VGLL3: variants seen among roughly 807,000 people sequenced by gnomAD.
The protein encoded by VGLL3 is transcription cofactor vestigial-like protein 3.
VGLL3 carries 18 observed loss-of-function variants against 29.2 expected under a neutral mutation model. The ratio of observed to expected loss-of-function variants is 0.62; its 90% CI spans 0.43 to 0.91. The LOEUF is 0.91. Ranked by LOEUF, VGLL3 falls within the 40% of genes least tolerant of loss-of-function variation. The probability of loss-of-function intolerance (pLI) is 0.00; values close to 1 mark genes in which losing one functional copy is unlikely to be tolerated. For missense variants in VGLL3, 440 were observed against 413.2 expected, an observed-to-expected ratio of 1.06 and a Z score of -0.56; for synonymous variants, 180 against 151.8, an observed-to-expected ratio of 1.19 and a Z score of -1.36.
intron 2 of VGLL3, among the ~76,000 whole-genome samples, chr3:86,970,463 A>G (rs1705070739): frequency 6.9e-6 from 1 of 145,364 alleles, no homozygotes; most frequent in African/African-American, 2.6e-5. Flanking sequence ...ACATAAGAAA[A>G]GGCCATATAT....
intron 1 of VGLL3, among the ~76,000 whole-genome samples, chr3:86,982,449 CTTT>C (rs563026048): frequency 7.1e-6 from 1 of 141,656 alleles, no homozygotes; most frequent in Admixed American, 7.1e-5. Flanking sequence ...TCCAGCTCTG[CTTT>C]TTTTTTTTTT....
intron 3 of VGLL3, 96 bp from the exon 4 acceptor site, chr3:86,947,163 A>C: frequency 1.3e-6 from 1 of 747,040 alleles, no homozygotes; most frequent in Non-Finnish European, 2.5e-6. Flanking sequence ...TAGAAACCAA[A>C]ATGATAATCC....
At chr3:86,957,416 A>T (rs1488241213) in intron 3 of VGLL3, among the ~76,000 whole-genome samples, 2 of 152,188 alleles carry the variant, frequency 1.3e-5, no homozygotes, top group Non-Finnish European at 2.9e-5. Context: ...TCCAATGTGA[A>T]TTAATTTTTT....
intron 3 of VGLL3, among the ~76,000 whole-genome samples, chr3:86,965,600 G>T (rs1704941374): frequency 6.6e-6 from 1 of 152,134 alleles, no homozygotes; most frequent in African/African-American, 2.4e-5. Flanking sequence ...TCTCCCTTTA[G>T]GACCGAGGCA....
In VGLL3 at chr3:86,941,980, G is replaced by C. The variant is rs192031605; in HGVS notation, c.*5044C>G. 1.1e-4 allele frequency: 17 copies of C among 152,008 alleles called. No homozygotes were observed. Among genetic ancestry groups the C allele is most frequent in the Admixed American group, 7.9e-4 (12 of 15,240 alleles). The allele number at this position is 152,008 out of a possible 1,614,324, so 9.4% of individuals were successfully genotyped here. On this transcript the variant is annotated 3_prime_UTR_variant, in exon 4 of 4. Coordinates refer to ENST00000398399, the MANE Select transcript of VGLL3 (RefSeq NM_016206.4). ...GGTTATATGTTTGTTTTCAACATTC[G>C]TTTTTGAATGGATGTTGAAAGTTAG...
At chr3:86,974,104 T>A (rs1434500042) in intron 2 of VGLL3, among the ~76,000 whole-genome samples, 1 of 151,820 alleles carries the variant, frequency 6.6e-6, no homozygotes, top group Non-Finnish European at 1.5e-5. Flanking sequence ...GGACCAATCA[T>A]ATTCATTAGG....
At chr3:86,978,459 G>A (rs1705253222) in intron 2 of VGLL3, 67 bp downstream of exon 2, 1 of 1,542,222 alleles carries the variant, frequency 6.5e-7, no homozygotes, top group Non-Finnish European at 8.8e-7. Flanking sequence ...TCTCCAGCTG[G>A]AACCTGGTAC....
intron 3 of VGLL3, among the ~76,000 whole-genome samples, chr3:86,960,297 T>A (rs1264302905): frequency 6.6e-6 from 1 of 152,142 alleles, no homozygotes; most frequent in Non-Finnish European, 1.5e-5. Context: ...AAACCATAAA[T>A]AATTCGGAAT....
chr3:86,978,814 T>G lies in VGLL3; in HGVS notation c.127-12A>C, dbSNP rs1337156899. ...ACCGCTAACTTCTTCTGGGATGGAA[T>G]AAACAAAACACAGTATCAAAGACAG... On this transcript the variant is annotated splice_polypyrimidine_tract_variant and intron_variant, in intron 1 of 3. Coordinates refer to ENST00000398399, the MANE Select transcript of VGLL3 (RefSeq NM_016206.4). The G allele has an allele frequency of 6.3e-7, 1 of 1,584,628 alleles. No homozygotes were observed. Among genetic ancestry groups the G allele is most frequent in the African/African-American group, 1.3e-5 (1 of 74,324 alleles).
At chr3:86,972,194 A>T (rs1705115904) in intron 2 of VGLL3, among the ~76,000 whole-genome samples, 1 of 152,228 alleles carries the variant, frequency 6.6e-6, no homozygotes, top group South Asian at 2.1e-4. Context: ...TTTATGAAGT[A>T]CTGTACCATG....
intron 3 of VGLL3, among the ~76,000 whole-genome samples, chr3:86,952,510 A>T (rs185656585): frequency 5.7e-4 from 87 of 152,244 alleles, no homozygotes; most frequent in African/African-American, 2.0e-3. Flanking sequence ...GCTGTTGATT[A>T]AAAAAAGAGA....
rs534443505 is a variant in VGLL3 at position 86,951,295 on chromosome 3, AT to A, written c.938-4229del. 2.6e-5 allele frequency among the ~76,000 whole-genome samples: 4 copies of A among 152,248 alleles called. No individual in the cohort carries two copies. The South Asian group carries it at 8.3e-4, about 32-fold the overall frequency. ...GATAGCTTATCAATAACCAAATCTTATTTACCAGAGTTCTGAAGGCTGGGAA... is the reference window on the plus strand; with the variant it reads ...GATAGCTTATCAATAACCAAATCTTATTACCAGAGTTCTGAAGGCTGGGAA... On this transcript the variant is annotated intron_variant, in intron 3 of 3. Coordinates refer to ENST00000398399, the MANE Select transcript of VGLL3 (RefSeq NM_016206.4).
In VGLL3 at chr3:86,940,317, A is replaced by C. The variant is rs1055584123; in HGVS notation, c.*6707T>G. 3.9e-5 allele frequency: 6 copies of C among 152,654 alleles called. No individual in the cohort carries two copies. The highest frequency in any genetic ancestry group is 7.2e-5 in the African/African-American group (3 of 41,470). 9.5% of individuals were successfully genotyped at this position (152,654 alleles called of 1,614,324 possible). On this transcript the variant is annotated 3_prime_UTR_variant, in exon 4 of 4. Coordinates refer to ENST00000398399, the MANE Select transcript of VGLL3 (RefSeq NM_016206.4). ...AGTCCCTGTCAACAAATGTAAAAAC[A>C]ATAAAATACACCTTGGTCAACCAAT...
At chr3:86,959,138 T>C (rs1704784739) in intron 3 of VGLL3, among the ~76,000 whole-genome samples, 1 of 152,154 alleles carries the variant, frequency 6.6e-6, no homozygotes, top group Admixed American at 6.5e-5. Context: ...GCCCTCAAGG[T>C]AGGTACACAA....
Position 86,959,366 on chromosome 3 carries a change from G to C in VGLL3, c.937+9224C>G, listed in dbSNP as rs373661888. Among the ~76,000 whole-genome samples the C allele has an allele frequency of 7.7e-4, 117 of 152,188 alleles. 3 individuals are homozygous for C. The South Asian group carries it at 0.023, about 30-fold the overall frequency. ...CAGATTACTAATATTGTCAGGAAAG[G>C]CTTCAATGAATCCCTAATGCCATAG... On this transcript the variant is annotated intron_variant, in intron 3 of 3. Coordinates refer to ENST00000398399, the MANE Select transcript of VGLL3 (RefSeq NM_016206.4).
intron 1 of VGLL3, among the ~76,000 whole-genome samples, chr3:86,987,529 A>G (rs976917672): frequency 1.3e-5 from 2 of 152,146 alleles, no homozygotes; most frequent in African/African-American, 4.8e-5. Context: ...GAAACCTTTG[A>G]CAGCATGTGC....
intron 1 of VGLL3, among the ~76,000 whole-genome samples, chr3:86,989,267 A>G (rs528841164): frequency 6.6e-6 from 1 of 152,316 alleles, no homozygotes; most frequent in South Asian, 2.1e-4. Context: ...ATAATTGAAG[A>G]CCTCTGTAAT....
intron 3 of VGLL3, among the ~76,000 whole-genome samples, chr3:86,950,772 T>C (rs1704601108): frequency 1.3e-5 from 2 of 152,210 alleles, no homozygotes; most frequent in South Asian, 4.1e-4. Context: ...CATATTTAAC[T>C]GATGTGTCTC....
intron 2 of VGLL3, among the ~76,000 whole-genome samples, chr3:86,970,421 C>CT (rs1375167744): frequency 6.6e-6 from 1 of 150,922 alleles, no homozygotes; most frequent in Non-Finnish European, 1.5e-5. Context: ...GGGGCTAGCC[C>CT]TGGGAAGTAA....
Sources: allele counts gnomAD v4.1 joint callset (sites outside exome capture counted in the v4.1 genomes callset), GRCh38; gene constraint gnomAD v4.1.1; transcripts MANE v1.5; gene names NCBI Gene and HGNC (gene_info 2026-07-23, HGNC 2026-07-21).